SPMIP11: variants seen among roughly 807,000 people sequenced by gnomAD.
SPMIP11 encodes sperm microtubule inner protein 11.
At chr12:48,732,127 C>T in the SPMIP11 span, among the ~76,000 whole-genome samples, 16,894 of 144,608 alleles carry the variant, frequency 0.12, 2,259 homozygotes, top group East Asian at 0.69. Flanking sequence ...CCAGCCTGGG[C>T]GATAGAGTAA....
At chr12:48,759,136 C>G in the SPMIP11 span, 19 of 688,498 alleles carry the variant, frequency 2.8e-5, no homozygotes, top group Non-Finnish European at 5.0e-5. Flanking sequence ...ATCTGGTTAG[C>G]ATGGAGACCA....
the SPMIP11 span, among the ~76,000 whole-genome samples, chr12:48,755,770 G>A: frequency 2.6e-5 from 4 of 151,988 alleles, no homozygotes; most frequent in African/African-American, 7.3e-5. Context: ...CTGAGGCCTC[G>A]GGAACAGACA....
At chr12:48,754,838 C>T in the SPMIP11 span, among the ~76,000 whole-genome samples, 2 of 148,710 alleles carry the variant, frequency 1.3e-5, no homozygotes, top group Non-Finnish European at 2.9e-5. Flanking sequence ...CTTCAACCTC[C>T]TGAACTTCAG....
the SPMIP11 span, among the ~76,000 whole-genome samples, chr12:48,746,512 G>T: frequency 6.6e-6 from 1 of 151,750 alleles, no homozygotes; most frequent in East Asian, 2.0e-4. Flanking sequence ...GATTACAGGA[G>T]CCTGCCACCA....
the SPMIP11 span, among the ~76,000 whole-genome samples, chr12:48,749,030 G>A: frequency 2.6e-5 from 4 of 152,136 alleles, no homozygotes; most frequent in African/African-American, 9.7e-5. Context: ...GGGAGGCCAA[G>A]GCGGGTGGAT....
chr12:48,732,180 C>A, the SPMIP11 span, among the ~76,000 whole-genome samples: 1 of 151,160 alleles, frequency 6.6e-6, no homozygotes, highest in South Asian at 2.1e-4. Flanking sequence ...GCCCCTCAAA[C>A]CCCATTGGAG....
the SPMIP11 span, among the ~76,000 whole-genome samples, chr12:48,752,084 C>CA: frequency 5.9e-4 from 78 of 131,212 alleles, no homozygotes; most frequent in African/African-American, 2.1e-3. Flanking sequence ...AAAAAACAAA[C>CA]AAACAAAAAA....
At chr12:48,749,697 T>C in the SPMIP11 span, among the ~76,000 whole-genome samples, 279 of 139,676 alleles carry the variant, frequency 2.0e-3, 2 homozygotes, top group African/African-American at 6.4e-3. Context: ...TTCTTCTTCT[T>C]TTTTTTTTTT....
chr12:48,738,957 A>AAGATAAGAACATTTT, the SPMIP11 span, among the ~76,000 whole-genome samples: 1 of 151,624 alleles, frequency 6.6e-6, no homozygotes, highest in South Asian at 2.1e-4. Flanking sequence ...CTTCATGAAG[A>AAGATAAGAACATTTT]AGATAAGAAC....
the SPMIP11 span, among the ~76,000 whole-genome samples, chr12:48,730,692 C>G: frequency 1.3e-5 from 2 of 152,170 alleles, no homozygotes; most frequent in Non-Finnish European, 2.9e-5. Flanking sequence ...AATCCCAGCA[C>G]TTTGGGAGGC....
chr12:48,737,831 C>T, the SPMIP11 span, among the ~76,000 whole-genome samples: 5,739 of 151,738 alleles, frequency 0.038, 327 homozygotes, highest in African/African-American at 0.12. Flanking sequence ...TATTATTAAT[C>T]ACTATTTTTG....
chr12:48,765,113 T>A, the SPMIP11 span: 1 of 597,188 alleles, frequency 1.7e-6, no homozygotes. Context: ...ATTTGAGTCT[T>A]ACCAGAGAAA....
the SPMIP11 span, among the ~76,000 whole-genome samples, chr12:48,753,226 CTTGAGACAA>C: frequency 6.6e-6 from 1 of 152,012 alleles, no homozygotes; most frequent in Non-Finnish European, 1.5e-5. Flanking sequence ...CTGTTCTTGT[CTTGAGACAA>C]TTGAGACAAA....
chr12:48,736,337 G>T, the SPMIP11 span, among the ~76,000 whole-genome samples: 3 of 150,724 alleles, frequency 2.0e-5, no homozygotes, highest in Non-Finnish European at 4.4e-5. Flanking sequence ...GCTTAAGCCC[G>T]GGAGACAGAG....
chr12:48,748,871 C>A, the SPMIP11 span, among the ~76,000 whole-genome samples: 1 of 152,172 alleles, frequency 6.6e-6, no homozygotes, highest in Admixed American at 6.5e-5. Flanking sequence ...TTAAGACAAA[C>A]CCCCTCCATT....
At chr12:48,736,106 T>C in the SPMIP11 span, 5 of 453,528 alleles carry the variant, frequency 1.1e-5, no homozygotes, top group Admixed American at 9.5e-5. Flanking sequence ...TGTTTATCCC[T>C]AGAGTTAAGA....
At chr12:48,766,310 G>T in the SPMIP11 span, 1 of 152,428 alleles carries the variant, frequency 6.6e-6, no homozygotes, top group African/African-American at 2.4e-5. Flanking sequence ...CAAAGCCCAC[G>T]GCCTCCCACC....
chr12:48,753,089 T>C, the SPMIP11 span, among the ~76,000 whole-genome samples: 2 of 152,190 alleles, frequency 1.3e-5, no homozygotes, highest in Non-Finnish European at 2.9e-5. Flanking sequence ...CCTTGCCTTG[T>C]TGTATGAAAA....
At chr12:48,765,346 A>C in the SPMIP11 span, among the ~76,000 whole-genome samples, 128 of 152,258 alleles carry the variant, frequency 8.4e-4, no homozygotes, top group African/African-American at 3.0e-3. Flanking sequence ...ATTCTCCTGC[A>C]TTAGCTCCCG....
Sources: allele counts gnomAD v4.1 joint callset (sites outside exome capture counted in the v4.1 genomes callset), GRCh38; gene constraint gnomAD v4.1.1; transcripts MANE v1.5; gene names NCBI Gene and HGNC (gene_info 2026-07-23, HGNC 2026-07-21).